TMTC3: variants seen among roughly 807,000 people sequenced by gnomAD.
The protein encoded by TMTC3 is protein O-mannosyl-transferase TMTC3.
TMTC3 carries 52 observed loss-of-function variants against 92.2 expected under a neutral mutation model. The observed-to-expected ratio is 0.56, with a 90% CI of 0.45 to 0.71. The LOEUF (loss-of-function observed/expected upper bound fraction) is 0.71, where lower values mean the gene tolerates loss of function less well. TMTC3 is among the 30% of genes least tolerant of loss of function. TMTC3 has a pLI of 0.00. For synonymous variants in TMTC3, 339 were observed against 363.3 expected, an observed-to-expected ratio of 0.93 and a Z score of 0.76; for missense variants, 896 against 1,057.1, an observed-to-expected ratio of 0.85 and a Z score of 2.11.
intron 7 of TMTC3, among the ~76,000 whole-genome samples, chr12:88,168,096 C>T (rs188832916): frequency 2.6e-4 from 39 of 152,244 alleles, no homozygotes; most frequent in Non-Finnish European, 4.9e-4. Context: ...TCTTGAGAAA[C>T]TCCTATATTT....
intron 12 of TMTC3, among the ~76,000 whole-genome samples, chr12:88,191,262 G>A (rs1450361342): frequency 1.3e-5 from 2 of 152,016 alleles, no homozygotes; most frequent in Admixed American, 1.3e-4. Flanking sequence ...TTGTAAGTTG[G>A]GGTTTTCTTT....
At position 88,160,170 on chromosome 12, in the gene TMTC3, G is replaced by A. The variant is rs200184700; in HGVS notation, c.565G>A (p.Glu189Lys). 1 of 1,592,050 alleles carries A rather than the reference G, an allele frequency of 6.3e-7. No homozygotes were observed. The highest frequency in any genetic ancestry group is 2.3e-5 in the East Asian group (1 of 43,308). Residue 189 changes from glutamate to lysine, a missense_variant, in exon 5 of 14, where the codon GAA (glutamate) becomes AAA (lysine). Physicochemically the swap from Glu to Lys is moderately conservative, Grantham distance 56 (BLOSUM62 1). Transcript: ENST00000266712. ...AGTGGCTGTTGCAACATTATGTAAA[G>A]AACAAGGAATAACAGTTGTAGGAAT... ...FLVAVATLCK[E>K]QGITVVGICC...
intron 10 of TMTC3, among the ~76,000 whole-genome samples, chr12:88,180,893 T>A (rs557614978): frequency 1.3e-5 from 2 of 152,348 alleles, no homozygotes; most frequent in South Asian, 4.1e-4. Flanking sequence ...AATGCTTTTC[T>A]ATGGCTGATT....
chr12:88,191,964 C>T (rs939491278), intron 12 of TMTC3, among the ~76,000 whole-genome samples: 5 of 151,518 alleles, frequency 3.3e-5, no homozygotes, highest in Admixed American at 6.6e-5. Flanking sequence ...CCACCTCAGC[C>T]TCCCAAAGTG....
chr12:88,180,673 C>T (rs932367156), intron 10 of TMTC3, among the ~76,000 whole-genome samples: 4 of 151,852 alleles, frequency 2.6e-5, no homozygotes, highest in Non-Finnish European at 4.4e-5. Context: ...GCTGCAGGGT[C>T]GTTTCCTTCA....
intron 13 of TMTC3, among the ~76,000 whole-genome samples, chr12:88,194,631 G>A (rs901733486): frequency 2.6e-5 from 4 of 152,014 alleles, no homozygotes; most frequent in African/African-American, 9.7e-5. Flanking sequence ...TGCTTTAAAG[G>A]AAAAGAAATA....
rs764106545 is a variant in TMTC3, at chr12:88,160,841, G to C, written c.787G>C (p.Val263Leu). Residue 263 changes from valine to leucine, a missense_variant, in exon 6 of 14, where the codon GTA (valine) becomes CTA (leucine). Coordinates refer to ENST00000266712, the MANE Select transcript of TMTC3 (RefSeq NM_181783.4). The part of the protein sequence containing the change: ...RVQVIQSQLP[V>L]FTRFDNPAAV... ...CCAGGTTATTCAATCCCAACTTCCA[G>C]TATTCACCAGGTATGAAATTCTGGT... The C allele has an allele frequency of 1.9e-6, 3 of 1,595,912 alleles. No individual in the cohort carries two copies. In the South Asian group the frequency reaches 3.5e-5, roughly 18 times the overall value.
At position 88,196,119 on chromosome 12, in the gene TMTC3, AC is replaced by A. The variant is rs1333786562; in HGVS notation, c.*471del. 6.6e-6 allele frequency: 1 copy of A among 152,300 alleles called. No individual in the cohort carries two copies. The highest frequency in any genetic ancestry group is 1.5e-5 in the Non-Finnish European group (1 of 68,098). The allele number at this position is 152,300 out of a possible 1,614,324, so 9.4% of individuals were successfully genotyped here. On this transcript the variant is annotated 3_prime_UTR_variant, in exon 14 of 14. Coordinates refer to ENST00000266712, the MANE Select transcript of TMTC3 (RefSeq NM_181783.4). ...AATTCTGTTTAATCAAGGGATTTACACTACAAAAGAATGCTGGCTTTTTTTA... is the reference window on the plus strand; with the variant it reads ...AATTCTGTTTAATCAAGGGATTTACATACAAAAGAATGCTGGCTTTTTTTA...
intron 6 of TMTC3, 91 bp downstream of exon 6, chr12:88,160,942 T>G: frequency 7.6e-7 from 1 of 1,315,668 alleles, no homozygotes; most frequent in Non-Finnish European, 1.0e-6. Context: ...TTTTATTTTG[T>G]TTTTTAACAG....
intron 7 of TMTC3, among the ~76,000 whole-genome samples, chr12:88,169,701 G>A (rs1003266936): frequency 6.6e-6 from 1 of 152,124 alleles, no homozygotes; most frequent in Admixed American, 6.6e-5. Flanking sequence ...TGCCTTGGGA[G>A]GCAGAAATGG....
Position 88,154,360 on chromosome 12 carries a change from A to T in TMTC3, c.481A>T (p.Arg161Ter). The change falls in exon 4 of 14, where the codon AGA becomes TGA. Residue 161 changes from arginine to a stop codon, truncating the protein, a stop_gained. Transcript: ENST00000266712. LOFTEE classifies it high-confidence loss of function. ...TCTAGCAGCTTTTTTGTCATATACC[A>T]GATCAAAAGGACCAGACAATTCCAT... The part of the protein sequence containing the change: ...FFLAAFLSYT[R>*]SKGPDNSIIW... 1 of 1,607,048 alleles carries T rather than the reference A, an allele frequency of 6.2e-7. No individual in the cohort carries two copies. The highest frequency in any genetic ancestry group is 8.5e-7 in the Non-Finnish European group (1 of 1,178,024).
At chr12:88,170,786 A>G (rs1401529926) in intron 7 of TMTC3, among the ~76,000 whole-genome samples, 1 of 152,228 alleles carries the variant, frequency 6.6e-6, no homozygotes, top group African/African-American at 2.4e-5. Flanking sequence ...GCAGATGTCC[A>G]TAGAAACAGA....
At position 88,195,809 on chromosome 12, in the gene TMTC3, T is replaced by C. The variant is rs1385564891; in HGVS notation, c.*160T>C. 7.2e-6 allele frequency: 4 copies of C among 558,644 alleles called. No homozygotes were observed. Among genetic ancestry groups the C allele is most frequent in the Non-Finnish European group, 1.2e-5 (4 of 324,524 alleles). 34.6% of individuals were successfully genotyped at this position (558,644 alleles called of 1,614,324 possible). ...TAAGATTTTCATTAAAGACCTGTAT[T>C]ATCCCAGGATGTATATTATGTATCG... is the stretch of plus-strand genomic sequence containing the variant. On this transcript the variant is annotated 3_prime_UTR_variant, in exon 14 of 14. Transcript: ENST00000266712.
At chr12:88,146,570 A>C (rs2040876530) in intron 1 of TMTC3, among the ~76,000 whole-genome samples, 1 of 148,744 alleles carries the variant, frequency 6.7e-6, no homozygotes, top group Non-Finnish European at 1.5e-5. Flanking sequence ...TAACAGAAGA[A>C]CCATATACAT....
chr12:88,177,675 C>T (rs1051999102), intron 10 of TMTC3, among the ~76,000 whole-genome samples: 2 of 152,102 alleles, frequency 1.3e-5, no homozygotes, highest in Non-Finnish European at 2.9e-5. Flanking sequence ...GACATGGCCC[C>T]CCATCCACCA....
chr12:88,195,438 G>A lies in TMTC3; in HGVS notation c.2534G>A (p.Ser845Asn), dbSNP rs780715766. ...GAAGGAAAGAAAATTCCAACTGAAA[G>A]TGTAAAAGAAATTAGAGGTGAATCC... ...SVEGKKIPTE[S>N]VKEIRGESRQ... The change falls in exon 14 of 14, where the codon AGT (serine) becomes AAT (asparagine). Residue 845 changes from serine (S) to asparagine (N), a missense_variant. By Grantham distance (46) the Ser-to-Asn change is conservative. Transcript: ENST00000266712. 1 of 1,613,400 alleles carries A rather than the reference G, an allele frequency of 6.2e-7. No homozygotes were observed. Among genetic ancestry groups the A allele is most frequent in the Non-Finnish European group, 8.5e-7 (1 of 1,179,782 alleles).
intron 1 of TMTC3, among the ~76,000 whole-genome samples, chr12:88,146,810 T>G (rs2040881417): frequency 6.6e-6 from 1 of 150,614 alleles, no homozygotes; most frequent in Non-Finnish European, 1.5e-5. Flanking sequence ...TTATAAAAAT[T>G]CCAATACTAT....
chr12:88,153,598 A>G (rs1196965067), intron 3 of TMTC3, 89 bp downstream of exon 3: 10 of 671,862 alleles, frequency 1.5e-5, no homozygotes, highest in Non-Finnish European at 2.1e-5. Flanking sequence ...TTTAAGAAAA[A>G]AAAAAATTAA....
chr12:88,172,731 A>T lies in TMTC3; in HGVS notation c.1185A>T (p.Lys395Asn), dbSNP rs900644499. 1 of 1,597,944 alleles carries T rather than the reference A, an allele frequency of 6.3e-7. No homozygotes were observed. Among genetic ancestry groups the T allele is most frequent in the Non-Finnish European group, 8.5e-7 (1 of 1,174,578 alleles). Residue 395 changes from lysine (K) to asparagine (N), a missense_variant, in exon 8 of 14, where the codon AAA becomes AAT. By Grantham distance (94) the Lys-to-Asn change is moderately conservative. Coordinates refer to ENST00000266712, the MANE Select transcript of TMTC3 (RefSeq NM_181783.4). Reference protein sequence around the residue: ...FCILVAHGWQKISTKSVFKKL... With the variant: ...FCILVAHGWQNISTKSVFKKL... Reference sequence around the variant, plus strand: ...TTTTGGTAGCCCATGGATGGCAGAAAATATCAACAAAAAGGTGAATTTAAA... The same window carrying T: ...TTTTGGTAGCCCATGGATGGCAGAATATATCAACAAAAAGGTGAATTTAAA...
Sources: gnomAD v4.1 joint callset for allele counts (sites outside exome capture counted in the v4.1 genomes callset) on GRCh38, gnomAD v4.1.1 for gene constraint, MANE v1.5 for transcripts, NCBI Gene and HGNC (gene_info 2026-07-23, HGNC 2026-07-21) for gene names.